RUBCNL: variants seen among roughly 807,000 people sequenced by gnomAD.
RUBCNL encodes the protein rubicon like autophagy enhancer, also known as protein associated with UVRAG as autophagy enhancer.
Under a neutral mutation model 69.5 loss-of-function variants are expected in RUBCNL, and 62 were observed. That is an observed-to-expected ratio of 0.89 (90% CI 0.73 to 1.10). The LOEUF (loss-of-function observed/expected upper bound fraction) is 1.10. RUBCNL is among the 50% of genes least tolerant of loss of function. The probability of loss-of-function intolerance (pLI) is 0.00; values close to 1 mark genes in which losing one functional copy is unlikely to be tolerated. For synonymous variants in RUBCNL, 291 were observed against 303.6 expected (o/e 0.96, Z 0.43); for missense variants, 768 against 798.1 (o/e 0.96, Z 0.45).
rs2048109490 is a variant in RUBCNL at position 46,337,108 on chromosome 13, A to G, written c.*6277T>C. ...TTAGTGCCCTTGTAAAACAGACCCCAGGGGGTTCTCTCTCTCTCTCTTTTC... is the reference window on the plus strand; with the variant it reads ...TTAGTGCCCTTGTAAAACAGACCCCGGGGGGTTCTCTCTCTCTCTCTTTTC... On this transcript the variant is annotated 3_prime_UTR_variant, in exon 15 of 15. Transcript: ENST00000429979. Among the ~76,000 whole-genome samples, 4 of 144,970 alleles carry G rather than the reference A, an allele frequency of 2.8e-5. No homozygotes were observed. Among genetic ancestry groups the G allele is most frequent in the African/African-American group, 7.8e-5 (3 of 38,536 alleles).
intron 5 of RUBCNL, among the ~76,000 whole-genome samples, chr13:46,366,630 C>A (rs1228406699): frequency 6.6e-6 from 1 of 152,106 alleles, no homozygotes; most frequent in Non-Finnish European, 1.5e-5. Flanking sequence ...ATGCTATACA[C>A]CATATGGAGT....
Position 46,359,588 on chromosome 13 carries a change from A to G in RUBCNL, c.1163T>C (p.Met388Thr). The change falls in exon 9 of 15, where the codon ATG (methionine) becomes ACG (threonine). Residue 388 changes from methionine to threonine, a missense_variant. Physicochemically the swap from Met to Thr is moderately conservative, Grantham distance 81. Transcript: ENST00000429979. ...AAATTTAATTTCCTGTACTACATTC[A>G]TACTGGATTCAAAGTCTTTTCGGAC... is the stretch of plus-strand genomic sequence containing the variant. ...ECVRKDFESS[M>T]NVVQEIKFKS... 1 of 1,592,834 alleles carries G rather than the reference A, an allele frequency of 6.3e-7. No individual in the cohort carries two copies. Among genetic ancestry groups the G allele is most frequent in the East Asian group, 2.2e-5 (1 of 44,448 alleles).
Position 46,335,139 on chromosome 13 carries a change from A to T in RUBCNL, c.*8246T>A, listed in dbSNP as rs978155300. Among the ~76,000 whole-genome samples the T allele has an allele frequency of 6.6e-6, 1 of 151,214 alleles. No individual in the cohort carries two copies. Among genetic ancestry groups the T allele is most frequent in the Non-Finnish European group, 1.5e-5 (1 of 67,846 alleles). On this transcript the variant is annotated 3_prime_UTR_variant, in exon 15 of 15. Transcript: ENST00000429979. ...GAATGCAGTGGCGGGATCATGCCTC[A>T]CTACAGCCTCAAACTCCTGGGCTCG...
chr13:46,372,631 A>G, intron 2 of RUBCNL, 34 bp from the exon 3 acceptor site: 3 of 1,426,056 alleles, frequency 2.1e-6, no homozygotes, highest in Non-Finnish European at 2.7e-6. Context: ...AAAATAAGTA[A>G]GAATTCAATT....
intron 3 of RUBCNL, among the ~76,000 whole-genome samples, chr13:46,369,402 T>A (rs2048831002): frequency 1.3e-5 from 2 of 152,044 alleles, no homozygotes; most frequent in African/African-American, 4.8e-5. Flanking sequence ...TTTGCAGAGA[T>A]GGGGGTCTCA....
intron 1 of RUBCNL, among the ~76,000 whole-genome samples, chr13:46,382,946 T>A (rs1051779547): frequency 2.6e-5 from 4 of 152,238 alleles, no homozygotes; most frequent in East Asian, 1.9e-4. Flanking sequence ...TAAGTGCCTA[T>A]TTTTTAGAAA....
chr13:46,362,941 T>TAG (rs1305374235), intron 6 of RUBCNL, among the ~76,000 whole-genome samples, 174 bp downstream of exon 6: 1 of 52,404 alleles, frequency 1.9e-5, no homozygotes, highest in Non-Finnish European at 3.2e-5. Context: ...TATATATAGA[T>TAG]ATATATATAT....
Position 46,349,291 on chromosome 13 carries a change from A to T in RUBCNL, c.1626T>A (p.Ala542=). The change falls in exon 12 of 15, where the codon GCT becomes GCA. Residue 542 remains alanine (A), a synonymous_variant. Coordinates refer to ENST00000429979, the MANE Select transcript of RUBCNL (RefSeq NM_025113.5). The stretch of plus-strand genomic sequence containing the variant: ...GTCCCAGCTGAGAATAGTACCTGTT[A>T]GCAAACCTACAGGTCTTCAACAGCT... ...IKKLLKTCRF[A]NSALKEFEQV... 6.2e-7 allele frequency: 1 copy of T among 1,613,534 alleles called. No homozygotes were observed. Among genetic ancestry groups the T allele is most frequent in the South Asian group, 1.1e-5 (1 of 91,044 alleles).
rs567191655 is a variant in RUBCNL, at chr13:46,344,615, C to T, written c.1876+126G>A. On this transcript the variant is annotated intron_variant, in intron 14 of 14. Coordinates refer to ENST00000429979, the MANE Select transcript of RUBCNL (RefSeq NM_025113.5). ...ACAAGCACACACCAGCATGACTGTA[C>T]TTTAAATAACTGTGCTTAAATTATT... The T allele has an allele frequency of 4.1e-5, 28 of 681,820 alleles. No individual in the cohort carries two copies. In the South Asian group the frequency reaches 4.7e-4, roughly 11 times the overall value. The allele number at this position is 681,820 out of a possible 1,614,324, so 42.2% of individuals were successfully genotyped here. A position where few individuals can be genotyped will look rare whatever the true frequency, so the allele number is the denominator to read the frequency against.
intron 1 of RUBCNL, among the ~76,000 whole-genome samples, chr13:46,384,402 A>AT (rs1306712197): frequency 2.0e-5 from 3 of 152,248 alleles, no homozygotes; most frequent in Admixed American, 6.5e-5. Context: ...ACATTTCTTT[A>AT]TAAGAATAAT....
At position 46,359,440 on chromosome 13, in the gene RUBCNL, A is replaced by G. The variant is rs1330615245; in HGVS notation, c.1265+46T>C. 5 of 1,558,354 alleles carry G rather than the reference A, an allele frequency of 3.2e-6. No individual in the cohort carries two copies. In the African/African-American group the frequency reaches 6.8e-5, roughly 21 times the overall value. On this transcript the variant is annotated intron_variant, in intron 9 of 14. Transcript: ENST00000429979. ...ATAGAGTCAGGTGGGATCTGTCACA[A>G]TGTGATTTAAATGGATTGGAGGCCC... is the stretch of plus-strand genomic sequence containing the variant.
chr13:46,345,708 C>T (rs2048232768), intron 12 of RUBCNL, 108 bp from the exon 13 acceptor site: 8 of 1,097,036 alleles, frequency 7.3e-6, no homozygotes, highest in Non-Finnish European at 1.0e-5. Context: ...TTTTTTTTAA[C>T]TCAATTTAAA....
At chr13:46,383,594 C>A (rs2049168822) in intron 1 of RUBCNL, among the ~76,000 whole-genome samples, 1 of 152,112 alleles carries the variant, frequency 6.6e-6, no homozygotes, top group Non-Finnish European at 1.5e-5. Context: ...TATTAGCAAC[C>A]TAGCCCAGCC....
chr13:46,368,527 C>T, intron 4 of RUBCNL: 1 of 983,644 alleles, frequency 1.0e-6, no homozygotes, highest in Non-Finnish European at 1.2e-6. Flanking sequence ...CATCATTCAT[C>T]AATCACAGAA....
chr13:46,378,673 G>A (rs541984698), intron 1 of RUBCNL: 1 of 152,358 alleles, frequency 6.6e-6, no homozygotes, highest in African/African-American at 2.4e-5. Context: ...CTGCAGGAGG[G>A]ATAGATGCCT....
chr13:46,345,729 C>A, intron 12 of RUBCNL, 129 bp from the exon 13 acceptor site: 1 of 904,374 alleles, frequency 1.1e-6, no homozygotes, highest in South Asian at 1.9e-5. Context: ...AAATAAATAG[C>A]TCCAAGAACA....
At chr13:46,359,085 C>G (rs2048553813) in intron 9 of RUBCNL, among the ~76,000 whole-genome samples, 1 of 151,886 alleles carries the variant, frequency 6.6e-6, no homozygotes, top group African/African-American at 2.4e-5. Flanking sequence ...CCAACACCAG[C>G]CTGGGCAACA....
rs1451204630 is a variant in RUBCNL at position 46,349,270 on chromosome 13, C to T, written c.1631+16G>A. ...TGTATGGAGGGAAGGCAGCCTGTCCCAGCTGAGAATAGTACCTGTTAGCAA... is the reference window on the plus strand; with the variant it reads ...TGTATGGAGGGAAGGCAGCCTGTCCTAGCTGAGAATAGTACCTGTTAGCAA... On this transcript the variant is annotated intron_variant, in intron 12 of 14. Coordinates refer to ENST00000429979, the MANE Select transcript of RUBCNL (RefSeq NM_025113.5). 1.9e-6 allele frequency: 3 copies of T among 1,612,090 alleles called. No individual in the cohort carries two copies. The South Asian group carries it at 3.3e-5, about 18-fold the overall frequency.
intron 10 of RUBCNL, among the ~76,000 whole-genome samples, chr13:46,351,180 G>C (rs1255220941): frequency 6.6e-6 from 1 of 152,098 alleles, no homozygotes; most frequent in African/African-American, 2.4e-5. Context: ...CAGGAGGATT[G>C]CTTGAAGGTG....
Sources: allele counts gnomAD v4.1 joint callset (sites outside exome capture counted in the v4.1 genomes callset), GRCh38; gene constraint gnomAD v4.1.1; transcripts MANE v1.5; gene names NCBI Gene and HGNC (gene_info 2026-07-23, HGNC 2026-07-21).